The following TDRD3 variants were observed in gnomAD, a reference collection of about 807,000 sequenced individuals.
TDRD3 encodes the protein tudor domain containing 3, also known as tudor domain-containing protein 3.
Under a neutral mutation model 86.7 loss-of-function variants are expected in TDRD3, and 45 were observed. That is an observed-to-expected ratio of 0.52 (90% confidence interval 0.41 to 0.67). The LOEUF is 0.67. Among genes scored for constraint, TDRD3 ranks in the 30% least tolerant of loss-of-function variants. The pLI, the probability that TDRD3 is intolerant of heterozygous loss-of-function variation, is 0.00. For missense variants in TDRD3, 814 were observed against 889.0 expected (o/e 0.92, Z 1.07); for synonymous variants, 298 against 301.7 (o/e 0.99, Z 0.13).
intron 4 of TDRD3, chr13:60,460,746 T>C (rs1426316953): frequency 9.9e-6 from 4 of 404,236 alleles, no homozygotes; most frequent in Non-Finnish European, 1.2e-5. Flanking sequence ...GGCTCAAGCC[T>C]GTAATCCCAG....
At chr13:60,516,858 C>G (rs1382187112) in intron 10 of TDRD3, among the ~76,000 whole-genome samples, 1 of 152,160 alleles carries the variant, frequency 6.6e-6, no homozygotes, top group African/African-American at 2.4e-5. Flanking sequence ...ACCTTATGAT[C>G]CCATTCTGCA....
chr13:60,476,142 AG>A (rs879658143), intron 5 of TDRD3, among the ~76,000 whole-genome samples: 43 of 152,078 alleles, frequency 2.8e-4, no homozygotes, highest in African/African-American at 1.0e-3. Context: ...GGTATTTCCT[AG>A]GGTTTCTTCT....
intron 11 of TDRD3, among the ~76,000 whole-genome samples, chr13:60,531,269 AT>A (rs1320605961): frequency 6.6e-6 from 1 of 152,206 alleles, no homozygotes; most frequent in Non-Finnish European, 1.5e-5. Context: ...CACTATCCAG[AT>A]TCTTATTCTT....
chr13:60,507,645 A>G (rs1052361271), intron 8 of TDRD3, among the ~76,000 whole-genome samples: 3 of 152,222 alleles, frequency 2.0e-5, no homozygotes, highest in Non-Finnish European at 4.4e-5. Flanking sequence ...ACCAATGAGA[A>G]CAAAGACAAA....
intron 1 of TDRD3, among the ~76,000 whole-genome samples, chr13:60,437,121 CTTTTTTTT>C (rs528500199): frequency 1.4e-5 from 1 of 73,760 alleles, no homozygotes; most frequent in Non-Finnish European, 2.5e-5. Context: ...ATAAATTAAA[CTTTTTTTT>C]TTTTTTTTTT....
intron 10 of TDRD3, among the ~76,000 whole-genome samples, chr13:60,516,581 G>C (rs999796654): frequency 1.3e-5 from 2 of 152,168 alleles, no homozygotes; most frequent in African/African-American, 4.8e-5. Context: ...TATACTAGTT[G>C]TATGTCTTTG....
At chr13:60,413,687 G>A (rs1954422621) in intron 1 of TDRD3, among the ~76,000 whole-genome samples, 1 of 152,034 alleles carries the variant, frequency 6.6e-6, no homozygotes, top group South Asian at 2.1e-4. Flanking sequence ...ATGAATTTCT[G>A]ATCTTGTGTC....
chr13:60,538,563 A>G (rs185855477), intron 12 of TDRD3, among the ~76,000 whole-genome samples: 1 of 152,276 alleles, frequency 6.6e-6, no homozygotes, highest in African/African-American at 2.4e-5. Context: ...TTAGCAAAGT[A>G]AATGAAACAT....
chr13:60,471,217 A>T (rs1188128020), intron 5 of TDRD3, among the ~76,000 whole-genome samples: 2 of 152,076 alleles, frequency 1.3e-5, no homozygotes, highest in Non-Finnish European at 2.9e-5. Context: ...TTTTGAGTTA[A>T]TTTTTGTATT....
At chr13:60,500,316 C>T (rs1956804988) in intron 8 of TDRD3, among the ~76,000 whole-genome samples, 1 of 152,150 alleles carries the variant, frequency 6.6e-6, no homozygotes. Flanking sequence ...TGGGCTTGAG[C>T]AGGTCCTGAA....
At chr13:60,508,848 G>T (rs1211044701) in intron 8 of TDRD3, among the ~76,000 whole-genome samples, 1 of 152,140 alleles carries the variant, frequency 6.6e-6, no homozygotes, top group African/African-American at 2.4e-5. Flanking sequence ...GATTCAAAAT[G>T]TCCACTTCCC....
At chr13:60,423,844 A>C (rs1203135281) in intron 1 of TDRD3, among the ~76,000 whole-genome samples, 1 of 152,188 alleles carries the variant, frequency 6.6e-6, no homozygotes, top group Non-Finnish European at 1.5e-5. Flanking sequence ...AAAATGAATA[A>C]ATGAACTAAA....
chr13:60,451,759 T>A (rs1408507599), intron 3 of TDRD3, among the ~76,000 whole-genome samples: 1 of 152,182 alleles, frequency 6.6e-6, no homozygotes, highest in East Asian at 1.9e-4. Flanking sequence ...AATTGAGCCA[T>A]ATCTTTTGTG....
intron 5 of TDRD3, among the ~76,000 whole-genome samples, chr13:60,469,962 C>T (rs1310801423): frequency 6.6e-6 from 1 of 152,152 alleles, no homozygotes; most frequent in East Asian, 1.9e-4. Flanking sequence ...CATTGTTGCA[C>T]AGCTGGTACC....
chr13:60,455,953 C>T (rs1210587959), intron 3 of TDRD3, among the ~76,000 whole-genome samples: 2 of 151,050 alleles, frequency 1.3e-5, no homozygotes, highest in African/African-American at 4.9e-5. Flanking sequence ...ACCTGTAATC[C>T]CAGCTACTAG....
intron 1 of TDRD3, among the ~76,000 whole-genome samples, chr13:60,417,334 T>C (rs9538686): frequency 0.19 from 29,326 of 150,422 alleles, 3,544 homozygotes; most frequent in South Asian, 0.29. Context: ...TTTGCTTTCA[T>C]GATTTAAACT....
chr13:60,431,996 A>G (rs1954965589), intron 1 of TDRD3, among the ~76,000 whole-genome samples: 1 of 152,038 alleles, frequency 6.6e-6, no homozygotes, highest in Non-Finnish European at 1.5e-5. Context: ...TTGTTGGAAT[A>G]CAGATTGTGG....
At chr13:60,470,214 T>C (rs530022718) in intron 5 of TDRD3, among the ~76,000 whole-genome samples, 51 of 152,362 alleles carry the variant, frequency 3.3e-4, no homozygotes, top group African/African-American at 1.2e-3. Flanking sequence ...TGTCAGAATT[T>C]CCTTCCTTTT....
At position 60,528,449 on chromosome 13, in the gene TDRD3, T is replaced by A; in HGVS notation, c.1224T>A (p.Asn408Lys). 3.1e-6 allele frequency: 5 copies of A among 1,613,784 alleles called. No homozygotes were observed. The highest frequency in any genetic ancestry group is 4.2e-6 in the Non-Finnish European group (5 of 1,179,882). ...NTEQNGVKDN[N>K]HLRHPPRNDT... ...AGCAAAATGGAGTAAAAGATAATAA[T>A]CATCTGAGACATCCTCCTCGAAATG... Residue 408 changes from asparagine to lysine, a missense_variant, in exon 11 of 14, where the codon AAT (asparagine) becomes AAA (lysine). Asn to Lys is a moderately conservative substitution (Grantham distance 94). Transcript: ENST00000377881.
Sources: allele counts gnomAD v4.1 joint callset (sites outside exome capture counted in the v4.1 genomes callset), GRCh38; gene constraint gnomAD v4.1.1; transcripts MANE v1.5; gene names NCBI Gene and HGNC (gene_info 2026-07-23, HGNC 2026-07-21).